Variants in PAPPA2 observed in about 807,000 individuals in gnomAD.
PAPPA2 encodes the protein pappalysin 2, also known as pappalysin-2.
Under a neutral mutation model 176.4 loss-of-function variants are expected in PAPPA2, and 86 were observed. That is an observed-to-expected ratio of 0.49 (90% confidence interval 0.41 to 0.58). The LOEUF (loss-of-function observed/expected upper bound fraction) is 0.58, where lower values mean the gene tolerates loss of function less well. PAPPA2 is among the 20% of genes least tolerant of loss of function. The pLI is 0.00. For missense variants in PAPPA2, 2,073 were observed against 2,256.9 expected, an observed-to-expected ratio of 0.92 and a Z score of 1.65; for synonymous variants, 809 against 852.2, an observed-to-expected ratio of 0.95 and a Z score of 0.88.
intron 1 of PAPPA2, among the ~76,000 whole-genome samples, chr1:176,501,453 A>G (rs1238679158): frequency 6.6e-6 from 1 of 152,160 alleles, no homozygotes; most frequent in Non-Finnish European, 1.5e-5. Context: ...ACTTTTTTGC[A>G]AACCCCAAAT....
chr1:176,740,939 A>G (rs1571256463), intron 14 of PAPPA2, among the ~76,000 whole-genome samples: 1 of 152,254 alleles, frequency 6.6e-6, no homozygotes, highest in East Asian at 1.9e-4. Context: ...CTAGGTGATT[A>G]TGATCCTAGT....
rs769386765 is a variant in PAPPA2 at position 176,844,818 on chromosome 1, G to A, written c.*2364G>A. 7 of 152,160 alleles carry A rather than the reference G, an allele frequency of 4.6e-5. No homozygotes were observed. The highest frequency in any genetic ancestry group is 1.2e-4 in the African/African-American group (5 of 41,452). 9.4% of individuals were successfully genotyped at this position (152,160 alleles called of 1,614,324 possible). A position where few individuals can be genotyped will look rare whatever the true frequency, so the allele number is the denominator to read the frequency against. ...GCATTACTCAGCTCAGGAACATGGA[G>A]CCTGTGGTTCATGCCAGTGTGTGTC... On this transcript the variant is annotated 3_prime_UTR_variant, in exon 23 of 23. Coordinates refer to ENST00000367662, the MANE Select transcript of PAPPA2 (RefSeq NM_020318.3).
At chr1:176,521,553 G>A (rs1172310349) in intron 1 of PAPPA2, among the ~76,000 whole-genome samples, 2 of 152,166 alleles carry the variant, frequency 1.3e-5, no homozygotes, top group Non-Finnish European at 2.9e-5. Context: ...ATAAGAAGTT[G>A]TGTTTTAAAC....
chr1:176,672,146 T>C (rs1459628260), intron 4 of PAPPA2, among the ~76,000 whole-genome samples: 2 of 151,958 alleles, frequency 1.3e-5, no homozygotes, highest in African/African-American at 4.8e-5. Context: ...GAAATCTTAC[T>C]GACCAAGCAA....
In PAPPA2 at chr1:176,769,747, C is replaced by T. The variant is rs1211422091; in HGVS notation, c.4464C>T (p.Arg1488=). Residue 1488 remains arginine (R), a synonymous_variant, in exon 16 of 23, where the codon CGC becomes CGT. Coordinates refer to ENST00000367662, the MANE Select transcript of PAPPA2 (RefSeq NM_020318.3). The part of the protein sequence containing the change: ...SCSEGTKFLK[R]CSISCVPPAK... ...CAGAGGGAACCAAATTTCTGAAACG[C>T]TGCTCAATCTCTTGTGTCCCACCAG... The T allele has an allele frequency of 6.2e-7, 1 of 1,612,234 alleles. No individual in the cohort carries two copies. The highest frequency in any genetic ancestry group is 8.5e-7 in the Non-Finnish European group (1 of 1,179,560).
intron 20 of PAPPA2, among the ~76,000 whole-genome samples, chr1:176,798,897 G>GT (rs2102947570): frequency 6.6e-6 from 1 of 152,320 alleles, no homozygotes; most frequent in African/African-American, 2.4e-5. Flanking sequence ...TGAAGGAGGA[G>GT]TTTTAGCTTT....
intron 17 of PAPPA2, among the ~76,000 whole-genome samples, chr1:176,782,275 A>G (rs1324486926): frequency 1.3e-5 from 2 of 152,212 alleles, no homozygotes; most frequent in African/African-American, 4.8e-5. Flanking sequence ...ATTGACAGCT[A>G]TTATGTACCA....
At chr1:176,661,623 T>G (rs1360173318) in intron 3 of PAPPA2, among the ~76,000 whole-genome samples, 2 of 151,334 alleles carry the variant, frequency 1.3e-5, no homozygotes, top group African/African-American at 4.9e-5. Flanking sequence ...GGGAACACTA[T>G]TGCCCAGACA....
At chr1:176,723,692 CA>C (rs903061158) in intron 12 of PAPPA2, among the ~76,000 whole-genome samples, 6 of 151,346 alleles carry the variant, frequency 4.0e-5, no homozygotes, top group East Asian at 3.9e-4. Context: ...CTTACTTGCC[CA>C]AAAAAAATTC....
At chr1:176,477,069 A>C (rs2102472935) in intron 1 of PAPPA2, among the ~76,000 whole-genome samples, 1 of 152,274 alleles carries the variant, frequency 6.6e-6, no homozygotes, top group Non-Finnish European at 1.5e-5. Flanking sequence ...TTAGCTTTTC[A>C]AGGGAAGCCT....
intron 1 of PAPPA2, among the ~76,000 whole-genome samples, chr1:176,512,072 C>G (rs968246320): frequency 6.6e-6 from 1 of 151,938 alleles, no homozygotes; most frequent in Non-Finnish European, 1.5e-5. Context: ...AAAAGGACCT[C>G]CCCAAAATGG....
chr1:176,663,385 T>G (rs1394981244), intron 3 of PAPPA2, among the ~76,000 whole-genome samples: 1 of 152,138 alleles, frequency 6.6e-6, no homozygotes, highest in Non-Finnish European at 1.5e-5. Context: ...CCCTGCCAAG[T>G]CTGAAAGATC....
chr1:176,761,519 T>G (rs977832065), intron 14 of PAPPA2, among the ~76,000 whole-genome samples: 6 of 152,180 alleles, frequency 3.9e-5, no homozygotes, highest in Non-Finnish European at 7.3e-5. Context: ...TCACTTTGAT[T>G]TACTGCTATT....
chr1:176,564,722 C>CTTT lies in PAPPA2; in HGVS notation c.919+7496_919+7498dup, dbSNP rs71299415. On this transcript the variant is annotated intron_variant, in intron 2 of 22. Transcript: ENST00000367662. ...AGTTTATATTTATTTCTTTCCTTTT[C>CTTT]TTTTTTTTTTTTTTTTTAGAAAAAA... Among the ~76,000 whole-genome samples the CTTT allele has an allele frequency of 2.9e-3, 392 of 133,916 alleles. 5 individuals are homozygous for CTTT. The highest frequency in any genetic ancestry group is 5.5e-3 in the African/African-American group (199 of 36,376). 87.9% of individuals were successfully genotyped at this position (133,916 alleles called of 152,430 possible). A position where few individuals can be genotyped will look rare whatever the true frequency, so the allele number is the denominator to read the frequency against.
chr1:176,732,083 G>T (rs1662186120), intron 12 of PAPPA2, among the ~76,000 whole-genome samples: 1 of 152,084 alleles, frequency 6.6e-6, no homozygotes, highest in Admixed American at 6.6e-5. Context: ...CCAGGAAACT[G>T]TCCAGATTTC....
At chr1:176,685,393 AAGG>A (rs1251552815) in intron 4 of PAPPA2, among the ~76,000 whole-genome samples, 1 of 152,150 alleles carries the variant, frequency 6.6e-6, no homozygotes, top group Admixed American at 6.5e-5. Context: ...CCAGCCAAAG[AAGG>A]AGCCCTGGCC....
chr1:176,503,862 C>T (rs1045125228), intron 1 of PAPPA2, among the ~76,000 whole-genome samples: 4 of 152,114 alleles, frequency 2.6e-5, no homozygotes, highest in African/African-American at 7.2e-5. Flanking sequence ...AAGAACATAG[C>T]AGGAAACAAG....
intron 1 of PAPPA2, among the ~76,000 whole-genome samples, chr1:176,521,742 G>C (rs1217788436): frequency 3.9e-5 from 6 of 152,158 alleles, no homozygotes; most frequent in African/African-American, 1.4e-4. Flanking sequence ...ACAAGGGAAG[G>C]GGGGAAAGTG....
intron 1 of PAPPA2, among the ~76,000 whole-genome samples, chr1:176,504,701 T>A (rs181422811): frequency 2.6e-4 from 39 of 152,286 alleles, no homozygotes; most frequent in African/African-American, 8.7e-4. Context: ...GGAAAGACTT[T>A]ATATTCTTGG....
Sources: gnomAD v4.1 joint callset for allele counts (sites outside exome capture counted in the v4.1 genomes callset) on GRCh38, gnomAD v4.1.1 for gene constraint, MANE v1.5 for transcripts, NCBI Gene and HGNC (gene_info 2026-07-23, HGNC 2026-07-21) for gene names.